KPNA2: variants seen among roughly 807,000 people sequenced by gnomAD.
KPNA2 encodes the protein importin subunit alpha-1.
In KPNA2, 20 loss-of-function variants were observed where a neutral mutation model predicts 53.7. That is an observed-to-expected ratio of 0.37 (90% confidence interval 0.26 to 0.54). The LOEUF (loss-of-function observed/expected upper bound fraction) is 0.54, where lower values mean the gene tolerates loss of function less well. KPNA2 is among the 20% of genes least tolerant of loss of function. The pLI, the probability that KPNA2 is intolerant of heterozygous loss-of-function variation, is 0.83. For missense variants in KPNA2, 515 were observed against 640.3 expected (o/e 0.80, Z 2.11); for synonymous variants, 238 against 227.5 (o/e 1.05, Z -0.42).
rs193174438 is a variant in KPNA2 at position 68,042,804 on chromosome 17, C to T, written c.572-101C>T. The T allele has an allele frequency of 1.2e-5, 10 of 851,224 alleles. No individual in the cohort carries two copies. In the African/African-American group the frequency reaches 1.4e-4, roughly 12 times the overall value. The allele number at this position is 851,224 out of a possible 1,614,324, so 52.7% of individuals were successfully genotyped here. On this transcript the variant is annotated intron_variant, in intron 5 of 10. Coordinates refer to ENST00000330459, the MANE Select transcript of KPNA2 (RefSeq NM_002266.4). ...GCTTGAACCCAGGAGGCGGAGCTTGCAGTGAGCCGAGATCGCGCCACTGCA... is the reference window on the plus strand; with the variant it reads ...GCTTGAACCCAGGAGGCGGAGCTTGTAGTGAGCCGAGATCGCGCCACTGCA...
chr17:68,037,441 A>T lies in KPNA2; in HGVS notation c.159A>T (p.Val53=), dbSNP rs200680947. The T allele has an allele frequency of 2.5e-6, 4 of 1,613,800 alleles. No homozygotes were observed. Among genetic ancestry groups the T allele is most frequent in the Non-Finnish European group, 3.4e-6 (4 of 1,179,690 alleles). ...ACCAGATGCTGAAGAGGAGAAATGT[A>T]AGCTCATTTCCTGATGATGCTACTT... ...KDDQMLKRRN[V]SSFPDDATSP... The change falls in exon 3 of 11, where the codon GTA becomes GTT. Residue 53 remains valine, a synonymous_variant. Transcript: ENST00000330459.
rs1329019207 is a variant in KPNA2 at position 68,037,052 on chromosome 17, C to T, written c.-23-58C>T. The T allele has an allele frequency of 5.5e-6, 6 of 1,090,174 alleles. No homozygotes were observed. The Admixed American group carries it at 7.1e-5, about 13-fold the overall frequency. 67.5% of individuals were successfully genotyped at this position (1,090,174 alleles called of 1,614,324 possible). A position where few individuals can be genotyped will look rare whatever the true frequency, so the allele number is the denominator to read the frequency against. Reference sequence around the variant, plus strand: ...TTGATAATTCAGTTCTTATTTGGTACTATTATTGACAAAGGAAAATGATAA... The same window carrying T: ...TTGATAATTCAGTTCTTATTTGGTATTATTATTGACAAAGGAAAATGATAA... On this transcript the variant is annotated intron_variant, in intron 1 of 10. Coordinates refer to ENST00000330459, the MANE Select transcript of KPNA2 (RefSeq NM_002266.4).
At chr17:68,039,012 C>CTA (rs782145431) in intron 3 of KPNA2, among the ~76,000 whole-genome samples, 1 of 152,000 alleles carries the variant, frequency 6.6e-6, no homozygotes. Flanking sequence ...GACCCTGTCT[C>CTA]TAAGAAATCC....
intron 3 of KPNA2, 137 bp downstream of exon 3, chr17:68,037,632 C>A (rs971569043): frequency 1.2e-6 from 1 of 843,096 alleles, no homozygotes. Context: ...TCTCTGTTTG[C>A]AATTAGTAAT....
chr17:68,042,395 G>A (rs782454619), intron 5 of KPNA2, 42 bp downstream of exon 5: 14 of 1,587,624 alleles, frequency 8.8e-6, no homozygotes, highest in East Asian at 2.2e-5. Context: ...GTATCTAATC[G>A]TAATTAGTTG....
intron 3 of KPNA2, among the ~76,000 whole-genome samples, chr17:68,039,840 A>G (rs1031406534): frequency 6.6e-6 from 1 of 151,454 alleles, no homozygotes; most frequent in Admixed American, 6.6e-5. Flanking sequence ...TGGGAGGCTG[A>G]GGCAGGTGGA....
chr17:68,037,062 C>G, intron 1 of KPNA2, 48 bp from the exon 2 acceptor site: 1 of 1,240,524 alleles, frequency 8.1e-7, no homozygotes, highest in Non-Finnish European at 1.2e-6. Context: ...CTATTATTGA[C>G]AAAGGAAAAT....
At chr17:68,044,217 G>A in intron 8 of KPNA2, 104 bp from the exon 9 acceptor site, 1 of 1,314,536 alleles carries the variant, frequency 7.6e-7, no homozygotes, top group Non-Finnish European at 1.1e-6. Context: ...CTTAAGGTTG[G>A]ATAGAACCTT....
intron 3 of KPNA2, 47 bp from the exon 4 acceptor site, chr17:68,040,631 T>G (rs782138753): frequency 7.9e-7 from 1 of 1,260,382 alleles, no homozygotes; most frequent in Non-Finnish European, 1.2e-6. Flanking sequence ...TTTTATTGTT[T>G]GTATTTAATC....
intron 6 of KPNA2, 25 bp from the exon 7 acceptor site, chr17:68,043,075 T>C (rs1555704850): frequency 1.2e-6 from 2 of 1,613,636 alleles, no homozygotes; most frequent in Non-Finnish European, 8.5e-7. Flanking sequence ...ACAGAACCTC[T>C]CATTGCCTAT....
At chr17:68,036,968 A>G (rs1406226570) in intron 1 of KPNA2, 142 bp from the exon 2 acceptor site, 3 of 643,218 alleles carry the variant, frequency 4.7e-6, no homozygotes, top group Admixed American at 3.1e-5. Flanking sequence ...AAGCTATTTC[A>G]TAGTGCCGAA....
chr17:68,035,746 G>A lies in KPNA2; in HGVS notation c.-118G>A, dbSNP rs1481881505. 6.6e-6 allele frequency: 1 copy of A among 152,330 alleles called. No individual in the cohort carries two copies. The highest frequency in any genetic ancestry group is 6.5e-5 in the Admixed American group (1 of 15,278). The allele number at this position is 152,330 out of a possible 1,614,324, so 9.4% of individuals were successfully genotyped here. A position where few individuals can be genotyped will look rare whatever the true frequency, so the allele number is the denominator to read the frequency against. On this transcript the variant is annotated 5_prime_UTR_variant, in exon 1 of 11. Transcript: ENST00000330459. ...CGGCTGCACGAGCCACACGGTCTTT[G>A]AGCTGAGTCGAGGTGGACCCTTTGA...
chr17:68,045,108 AAG>A (rs2071312895), intron 9 of KPNA2, among the ~76,000 whole-genome samples: 1 of 151,362 alleles, frequency 6.6e-6, no homozygotes, highest in Non-Finnish European at 1.5e-5. Flanking sequence ...AAAAAAAAAA[AAG>A]TTGAGCCTTC....
At chr17:68,042,041 G>A in intron 4 of KPNA2, 44 bp from the exon 5 acceptor site, 1 of 1,535,456 alleles carries the variant, frequency 6.5e-7, no homozygotes, top group Non-Finnish European at 8.9e-7. Context: ...AACTCCTTTT[G>A]TTAATCACTG....
chr17:68,045,938 A>G lies in KPNA2; in HGVS notation c.1497+17A>G, dbSNP rs781938155. 2 of 1,482,412 alleles carry G rather than the reference A, an allele frequency of 1.3e-6. No homozygotes were observed. Among genetic ancestry groups the G allele is most frequent in the South Asian group, 1.3e-5 (1 of 74,304 alleles). 91.8% of individuals were successfully genotyped at this position (1,482,412 alleles called of 1,614,324 possible). On this transcript the variant is annotated intron_variant, in intron 10 of 10. Transcript: ENST00000330459. The stretch of plus-strand genomic sequence containing the variant: ...TCTGTAGAGGTGAGTAATGGATGGT[A>G]ATATTAATAACAACTTGGAAACATA...
Position 68,046,767 on chromosome 17 carries a change from C to A in KPNA2, c.*171C>A. 2.3e-6 allele frequency: 1 copy of A among 441,632 alleles called. No homozygotes were observed. The allele number at this position is 441,632 out of a possible 1,614,324, so 27.4% of individuals were successfully genotyped here. A position where few individuals can be genotyped will look rare whatever the true frequency, so the allele number is the denominator to read the frequency against. On this transcript the variant is annotated 3_prime_UTR_variant, in exon 11 of 11. Coordinates refer to ENST00000330459, the MANE Select transcript of KPNA2 (RefSeq NM_002266.4). ...ATACATACTGTATGAAGCTTGTCCT[C>A]TGACTAGGTTTCTAATTTCTATGTG...
In KPNA2 at chr17:68,037,198, A is replaced by G. The variant is rs782059465; in HGVS notation, c.66A>G (p.Lys22=). ...ARLHRFKNKG[K]DSTEMRRRRI... is the part of the protein sequence containing the mutation. ...TTCACAGATTCAAGAACAAGGGAAA[A>G]GACAGTACAGTGAGTACCTTCTGTT... The change falls in exon 2 of 11, where the codon AAA becomes AAG. Residue 22 remains lysine (K), a synonymous_variant. Transcript: ENST00000330459. The G allele has an allele frequency of 2.5e-6, 4 of 1,612,384 alleles. No homozygotes were observed. The African/African-American group carries it at 5.3e-5, about 22-fold the overall frequency.
rs1264852908 is a variant in KPNA2, at chr17:68,043,823, T to C, written c.931-15T>C. ...GGAAAAAATAACCAGCATCAACATA[T>C]TTTTTTTTTTTCAGACTCCTGCCCT... On this transcript the variant is annotated splice_polypyrimidine_tract_variant and intron_variant, in intron 7 of 10. Coordinates refer to ENST00000330459, the MANE Select transcript of KPNA2 (RefSeq NM_002266.4). 3 of 522,630 alleles carry C rather than the reference T, an allele frequency of 5.7e-6. No homozygotes were observed. The highest frequency in any genetic ancestry group is 8.5e-6 in the Non-Finnish European group (3 of 354,564). The allele number at this position is 522,630 out of a possible 1,614,324, so 32.4% of individuals were successfully genotyped here.
chr17:68,040,147 A>G (rs1357250019), intron 3 of KPNA2, among the ~76,000 whole-genome samples: 1 of 151,980 alleles, frequency 6.6e-6, no homozygotes, highest in Non-Finnish European at 1.5e-5. Context: ...CTCAAAGTAT[A>G]TCTGAATGCA....
Sources: allele counts gnomAD v4.1 joint callset (sites outside exome capture counted in the v4.1 genomes callset), GRCh38; gene constraint gnomAD v4.1.1; transcripts MANE v1.5; gene names NCBI Gene and HGNC (gene_info 2026-07-23, HGNC 2026-07-21).